NBEA: variants seen among roughly 807,000 people sequenced by gnomAD.
NBEA encodes the protein lysosomal-trafficking regulator 2.
A neutral mutation model predicts 343.4 loss-of-function variants in NBEA; 44 were observed. The observed-to-expected ratio is 0.13, with a 90% CI of 0.10 to 0.16. The LOEUF is 0.16. Ranked by LOEUF, NBEA falls within the 10% of genes least tolerant of loss-of-function variation. NBEA has a pLI of 1.00. For missense variants in NBEA, 2,555 were observed against 3,631.3 expected (o/e 0.70, Z 7.62); for synonymous variants, 1,175 against 1,238.7 (o/e 0.95, Z 1.08).
chr13:34,992,145 A>G (rs2060774019), intron 1 of NBEA, among the ~76,000 whole-genome samples: 1 of 148,762 alleles, frequency 6.7e-6, no homozygotes, highest in Non-Finnish European at 1.5e-5. Flanking sequence ...TTTTAAATTT[A>G]TATATTTCAC....
At chr13:35,667,593 AAGT>A in intron 57 of NBEA, 23 bp downstream of exon 57, 4 of 1,598,248 alleles carry the variant, frequency 2.5e-6, no homozygotes, top group Non-Finnish European at 3.4e-6. Context: ...AGTTCGTGCT[AAGT>A]AGGACTGAAG....
intron 40 of NBEA, among the ~76,000 whole-genome samples, chr13:35,462,104 A>G (rs757769537): frequency 2.0e-5 from 3 of 152,224 alleles, no homozygotes; most frequent in Non-Finnish European, 2.9e-5. Flanking sequence ...CTGATGCTAG[A>G]TCGAAACTTC....
chr13:35,169,840 A>G (rs940786347), intron 25 of NBEA, among the ~76,000 whole-genome samples: 2 of 151,788 alleles, frequency 1.3e-5, no homozygotes, highest in African/African-American at 2.4e-5. Flanking sequence ...GTGATGCTGT[A>G]TATTCATGAA....
chr13:35,065,646 T>C (rs2063624365), intron 8 of NBEA, among the ~76,000 whole-genome samples: 1 of 152,136 alleles, frequency 6.6e-6, no homozygotes, highest in Non-Finnish European at 1.5e-5. Context: ...ATATTTCACT[T>C]TCTCTTAAAT....
intron 34 of NBEA, among the ~76,000 whole-genome samples, chr13:35,256,475 C>T (rs1220472955): frequency 6.6e-6 from 1 of 152,182 alleles, no homozygotes; most frequent in African/African-American, 2.4e-5. Flanking sequence ...GAGCCTGGTT[C>T]CCAGGCTTCA....
rs149183729 is a variant in NBEA at position 35,387,123 on chromosome 13, A to G, written c.6179+34800A>G. Among the ~76,000 whole-genome samples, 29 of 152,270 alleles carry G rather than the reference A, an allele frequency of 1.9e-4. No homozygotes were observed. In the East Asian group the frequency reaches 5.4e-3, roughly 28 times the overall value. On this transcript the variant is annotated intron_variant, in intron 38 of 58. Coordinates refer to ENST00000379939, the MANE Select transcript of NBEA (RefSeq NM_001385012.1). ...TGACATTTGGATAGATTTTTAAATGATTGTAACAACTATTTTTATCCCTGT... is the reference window on the plus strand; with the variant it reads ...TGACATTTGGATAGATTTTTAAATGGTTGTAACAACTATTTTTATCCCTGT...
At chr13:35,144,529 T>C (rs2068295559) in intron 18 of NBEA, among the ~76,000 whole-genome samples, 1 of 152,148 alleles carries the variant, frequency 6.6e-6, no homozygotes, top group South Asian at 2.1e-4. Context: ...TGAAGCTATT[T>C]CAACAGTTTC....
chr13:35,171,198 G>A (rs1006073504), intron 25 of NBEA, 74 bp from the exon 26 acceptor site: 10 of 1,044,604 alleles, frequency 9.6e-6, no homozygotes, highest in Admixed American at 5.6e-5. Context: ...TTCACTTGTA[G>A]TATGTATGTA....
At chr13:35,131,791 T>C (rs1014398825) in intron 17 of NBEA, among the ~76,000 whole-genome samples, 1 of 152,192 alleles carries the variant, frequency 6.6e-6, no homozygotes, top group African/African-American at 2.4e-5. Flanking sequence ...ATAAAACAAG[T>C]CTCAGTAAAT....
At position 35,211,225 on chromosome 13, in the gene NBEA, G is replaced by C. The variant is rs373310959; in HGVS notation, c.5648+46G>C. 3.0e-4 allele frequency: 441 copies of C among 1,466,462 alleles called. 1 individual carries two copies. The African/African-American group carries it at 5.7e-3, about 19-fold the overall frequency. The allele number at this position is 1,466,462 out of a possible 1,614,324, so 90.8% of individuals were successfully genotyped here. On this transcript the variant is annotated intron_variant, in intron 33 of 58. Transcript: ENST00000379939. ...TTCATTTTAACTCTTTTTAAATGTAGTGAAACAGTACACAAAAATACAAAA... is the reference window on the plus strand; with the variant it reads ...TTCATTTTAACTCTTTTTAAATGTACTGAAACAGTACACAAAAATACAAAA...
intron 41 of NBEA, among the ~76,000 whole-genome samples, chr13:35,544,613 CCTTA>C (rs1027362316): frequency 6.6e-5 from 10 of 152,088 alleles, no homozygotes; most frequent in African/African-American, 2.4e-4. Flanking sequence ...TTTCTATGTA[CCTTA>C]CTTTCTATGT....
intron 7 of NBEA, among the ~76,000 whole-genome samples, chr13:35,056,446 G>A (rs915621032): frequency 6.6e-6 from 1 of 152,024 alleles, no homozygotes; most frequent in African/African-American, 2.4e-5. Flanking sequence ...ATGGAAAGAA[G>A]ACCCTAAACA....
chr13:35,609,384 A>C (rs2153053593), intron 48 of NBEA, among the ~76,000 whole-genome samples: 1 of 152,274 alleles, frequency 6.6e-6, no homozygotes, highest in Non-Finnish European at 1.5e-5. Flanking sequence ...TAGGAAAGGG[A>C]TTTGCCTTCT....
At chr13:35,371,485 T>G (rs925290783) in intron 38 of NBEA, among the ~76,000 whole-genome samples, 1 of 152,086 alleles carries the variant, frequency 6.6e-6, no homozygotes, top group African/African-American at 2.4e-5. Context: ...GATACCTCTT[T>G]AGTAAATTTC....
chr13:35,517,674 G>A (rs145640868), intron 41 of NBEA, among the ~76,000 whole-genome samples: 9 of 152,172 alleles, frequency 5.9e-5, no homozygotes, highest in East Asian at 3.9e-4. Flanking sequence ...TAAGAGGCTC[G>A]CCCCAAACCA....
intron 34 of NBEA, among the ~76,000 whole-genome samples, chr13:35,267,458 G>A (rs1225327894): frequency 6.6e-6 from 1 of 151,782 alleles, no homozygotes; most frequent in African/African-American, 2.4e-5. Context: ...TTATATCTTG[G>A]ATATGACACC....
chr13:34,967,670 T>A (rs966340562), intron 1 of NBEA, among the ~76,000 whole-genome samples: 4 of 152,054 alleles, frequency 2.6e-5, no homozygotes, highest in African/African-American at 9.7e-5. Flanking sequence ...AGCAAACATT[T>A]TCTATAAGGA....
intron 30 of NBEA, among the ~76,000 whole-genome samples, chr13:35,191,938 G>C (rs1221525978): frequency 6.6e-6 from 1 of 151,992 alleles, no homozygotes; most frequent in Non-Finnish European, 1.5e-5. Flanking sequence ...GTCATTTGCT[G>C]AAGTTGTCCT....
chr13:35,082,986 C>G (rs2064507018), intron 10 of NBEA, among the ~76,000 whole-genome samples: 1 of 152,118 alleles, frequency 6.6e-6, no homozygotes. Context: ...GTCATGAAGT[C>G]CTTGCCCATG....
Sources: gnomAD v4.1 joint callset for allele counts (sites outside exome capture counted in the v4.1 genomes callset) on GRCh38, gnomAD v4.1.1 for gene constraint, MANE v1.5 for transcripts, NCBI Gene and HGNC (gene_info 2026-07-23, HGNC 2026-07-21) for gene names.